Variants in SPTAN1 observed in about 807,000 individuals in gnomAD.
SPTAN1 encodes the protein spectrin alpha, non-erythrocytic 1.
A neutral mutation model predicts 331.3 loss-of-function variants in SPTAN1; 61 were observed. The ratio of observed to expected loss-of-function variants is 0.18; its 90% CI spans 0.15 to 0.23. SPTAN1 has a LOEUF of 0.23. Ranked by LOEUF, SPTAN1 falls within the 10% of genes least tolerant of loss-of-function variation. The pLI is 1.00. For synonymous variants in SPTAN1, 1,153 were observed against 1,173.9 expected (o/e 0.98, Z 0.36); for missense variants, 2,043 against 3,147.9 (o/e 0.65, Z 8.40).
rs750291281 is a variant in SPTAN1 at position 128,612,092 on chromosome 9, T to C, written c.4906-17T>C. 1.9e-6 allele frequency: 3 copies of C among 1,614,008 alleles called. No homozygotes were observed. In the Admixed American group the frequency reaches 5.0e-5, roughly 27 times the overall value. ...TTCATAGATTTCATCTCTTTTTGGC[T>C]CCCTTCTGTTCCCCAGGCCCGCCTG... On this transcript the variant is annotated splice_polypyrimidine_tract_variant and intron_variant, in intron 38 of 56. Coordinates refer to ENST00000372739, the MANE Select transcript of SPTAN1 (RefSeq NM_001130438.3).
At chr9:128,570,319 TA>T (rs1564199390) in intron 3 of SPTAN1, among the ~76,000 whole-genome samples, 9 of 34,158 alleles carry the variant, frequency 2.6e-4, no homozygotes, top group African/African-American at 1.2e-3. Flanking sequence ...TATATATATA[TA>T]TATATATATA....
intron 1 of SPTAN1, among the ~76,000 whole-genome samples, chr9:128,558,816 CTG>C (rs1406851212): frequency 6.6e-6 from 1 of 152,168 alleles, no homozygotes; most frequent in African/African-American, 2.4e-5. Context: ...ATTTCAGTAA[CTG>C]ACAGTTTCGG....
chr9:128,587,556 T>TG (rs1220486024), intron 19 of SPTAN1, 50 bp from the exon 20 acceptor site: 1 of 1,513,832 alleles, frequency 6.6e-7, no homozygotes. Context: ...CAGTGGAGGA[T>TG]GGGAGGCTTC....
intron 24 of SPTAN1, among the ~76,000 whole-genome samples, chr9:128,594,813 T>G (rs1196974213): frequency 6.6e-6 from 1 of 150,536 alleles, no homozygotes; most frequent in African/African-American, 2.4e-5. Flanking sequence ...GCTTTTTTTT[T>G]TTTTTTTTTT....
At chr9:128,573,935 A>T (rs1222406072) in intron 3 of SPTAN1, among the ~76,000 whole-genome samples, 1 of 151,432 alleles carries the variant, frequency 6.6e-6, no homozygotes, top group East Asian at 1.9e-4. Flanking sequence ...TTGTACTTTT[A>T]GTAGAGATGG....
chr9:128,605,266 G>A, intron 30 of SPTAN1, 30 bp from the exon 31 acceptor site: 1 of 1,614,084 alleles, frequency 6.2e-7, no homozygotes, highest in Non-Finnish European at 8.5e-7. Context: ...CCCCCTTACT[G>A]CAAGCTCATT....
At chr9:128,581,644 G>A (rs763926939) in intron 11 of SPTAN1, 138 bp from the exon 12 acceptor site, 1 of 758,444 alleles carries the variant, frequency 1.3e-6, no homozygotes, top group Non-Finnish European at 2.4e-6. Flanking sequence ...AGACTTCCTA[G>A]AAGAGATCTT....
At chr9:128,612,588 T>C (rs1228799177) in intron 39 of SPTAN1, among the ~76,000 whole-genome samples, 1 of 152,194 alleles carries the variant, frequency 6.6e-6, no homozygotes, top group African/African-American at 2.4e-5. Context: ...GAGTCAGTCA[T>C]GTATTCTCCA....
chr9:128,633,321 T>G lies in SPTAN1; in HGVS notation c.7421T>G (p.Leu2474Arg), dbSNP rs1287446335. 6.2e-7 allele frequency: 1 copy of G among 1,613,768 alleles called. No individual in the cohort carries two copies. Among genetic ancestry groups the G allele is most frequent in the Non-Finnish European group, 8.5e-7 (1 of 1,180,036 alleles). The change falls in exon 57 of 57, where the codon CTT becomes CGT. Residue 2474 changes from leucine to arginine, a missense_variant. This residue lies in a region of SPTAN1 where 88 missense variants were observed against 96.5 expected (regional missense o/e 0.91). Transcript: ENST00000372739. ...AFDYVEFTRS[L>R]FVN ...GACTACGTGGAGTTCACCCGCTCGCTTTTCGTGAACTGAGCCACTCCCTGG... is the reference window on the plus strand; with the variant it reads ...GACTACGTGGAGTTCACCCGCTCGCGTTTCGTGAACTGAGCCACTCCCTGG...
chr9:128,632,574 ACTTT>A lies in SPTAN1; in HGVS notation c.7017_7020del (p.His2339GlnfsTer9). The A allele has an allele frequency of 6.2e-7, 1 of 1,614,094 alleles. No homozygotes were observed. Among genetic ancestry groups the A allele is most frequent in the Non-Finnish European group, 8.5e-7 (1 of 1,180,032 alleles). ...CCGCCCTCGGCTTTGTGCTGCAGAC[ACTTT>A]GACAAGGACAAGTCTGGCAGGCTGA... On this transcript the variant is annotated frameshift_variant, in exon 55 of 57. Transcript: ENST00000372739. LOFTEE classifies it high-confidence loss of function.
At chr9:128,582,001 CT>C (rs1852006521) in intron 12 of SPTAN1, 109 bp downstream of exon 12, 1 of 836,640 alleles carries the variant, frequency 1.2e-6, no homozygotes, top group Admixed American at 1.8e-5. Context: ...ATGCAGAGTA[CT>C]CCTGTGGGTG....
chr9:128,633,638 C>CAT lies in SPTAN1; in HGVS notation c.*305_*306insTA, dbSNP rs1554770317. ...CCCAAATCTGTTTTCATGTAAAAGA[C>CAT]AAATAAATGATGACTTCCCCCAAAG... On this transcript the variant is annotated 3_prime_UTR_variant, in exon 57 of 57. Transcript: ENST00000372739. 7 of 1,358,002 alleles carry CAT rather than the reference C, an allele frequency of 5.2e-6. No homozygotes were observed. The Admixed American group carries it at 1.4e-4, about 28-fold the overall frequency. 84.1% of individuals were successfully genotyped at this position (1,358,002 alleles called of 1,614,324 possible).
chr9:128,598,998 G>A lies in SPTAN1; in HGVS notation c.3543+12G>A, dbSNP rs376482975. 1 of 1,613,366 alleles carries A rather than the reference G, an allele frequency of 6.2e-7. No homozygotes were observed. The highest frequency in any genetic ancestry group is 8.5e-7 in the Non-Finnish European group (1 of 1,179,426). On this transcript the variant is annotated intron_variant, in intron 26 of 56. Coordinates refer to ENST00000372739, the MANE Select transcript of SPTAN1 (RefSeq NM_001130438.3). ...GCATGATGCCCAGGGTAAGTTTCGG[G>A]TGCTGTGTGTGGATCTTGAACATGA...
intron 9 of SPTAN1, among the ~76,000 whole-genome samples, chr9:128,578,804 G>A (rs1434759644): frequency 6.9e-6 from 1 of 145,228 alleles, no homozygotes; most frequent in African/African-American, 2.6e-5. Flanking sequence ...ACTCCCGTCC[G>A]GACAACAAGA....
chr9:128,590,431 T>C (rs1853317078), intron 21 of SPTAN1, among the ~76,000 whole-genome samples: 1 of 151,174 alleles, frequency 6.6e-6, no homozygotes, highest in Non-Finnish European at 1.5e-5. Context: ...AAGCCGGGCA[T>C]GGTGGCTCAC....
Position 128,607,905 on chromosome 9 carries a change from G to C in SPTAN1, c.4200G>C (p.Gln1400His). 2 of 1,614,120 alleles carry C rather than the reference G, an allele frequency of 1.2e-6. No homozygotes were observed. The highest frequency in any genetic ancestry group is 8.5e-7 in the Non-Finnish European group (1 of 1,180,032). The part of the protein sequence containing the change: ...ARAGTFQAFE[Q>H]FGQQLLAHGH... ...CTGGCACTTTCCAGGCATTTGAGCAGTTTGGACAGCAGCTGTTGGCTCACG... is the reference window on the plus strand; with the variant it reads ...CTGGCACTTTCCAGGCATTTGAGCACTTTGGACAGCAGCTGTTGGCTCACG... The change falls in exon 33 of 57, where the codon CAG becomes CAC. Residue 1400 changes from glutamine to histidine, a missense_variant. Gln to His is a conservative substitution (Grantham distance 24). Around this residue, in one of 12 missense-constraint regions of SPTAN1, gnomAD observed 179 missense variants for 215.7 expected, o/e 0.83. Transcript: ENST00000372739.
At chr9:128,610,556 G>A (rs1254679226) in intron 37 of SPTAN1, among the ~76,000 whole-genome samples, 2 of 151,454 alleles carry the variant, frequency 1.3e-5, no homozygotes, top group Non-Finnish European at 2.9e-5. Flanking sequence ...CTGCCTTTTA[G>A]TTGTTTTTTT....
intron 29 of SPTAN1, 24 bp downstream of exon 29, chr9:128,604,441 G>A (rs1476683311): frequency 3.1e-6 from 5 of 1,603,544 alleles, no homozygotes; most frequent in Non-Finnish European, 4.3e-6. Flanking sequence ...CCTGGGCTGG[G>A]AGAGGGAGAA....
intron 31 of SPTAN1, among the ~76,000 whole-genome samples, chr9:128,606,780 C>T (rs1200842368): frequency 1.3e-5 from 2 of 152,166 alleles, no homozygotes; most frequent in Non-Finnish European, 2.9e-5. Context: ...GCCACTGCGC[C>T]TGGTTGTCTT....
Sources: allele counts gnomAD v4.1 joint callset (sites outside exome capture counted in the v4.1 genomes callset), GRCh38; gene constraint gnomAD v4.1.1; regional missense constraint gnomAD v4.1.1; transcripts MANE v1.5; gene names NCBI Gene and HGNC (gene_info 2026-07-23, HGNC 2026-07-21).